The following MECOM variants were observed in gnomAD, a reference collection of about 807,000 sequenced individuals.
MECOM encodes histone-lysine N-methyltransferase MECOM.
In MECOM, 13 loss-of-function variants were observed where a neutral mutation model predicts 116.3. The observed-to-expected ratio is 0.11, with a 90% confidence interval of 0.07 to 0.18. The LOEUF is 0.18. MECOM is among the 10% of genes least tolerant of loss of function. The probability of loss-of-function intolerance (pLI) is 1.00; values close to 1 mark genes in which losing one functional copy is unlikely to be tolerated. For missense variants in MECOM, 1,299 were observed against 1,509.0 expected (o/e 0.86, Z 2.31); for synonymous variants, 528 against 535.2 (o/e 0.99, Z 0.19).
At position 169,512,723 on chromosome 3, in the gene MECOM, T is replaced by G. The variant is rs140316907; in HGVS notation, c.38-131199A>C. Among the ~76,000 whole-genome samples the G allele has an allele frequency of 5.9e-5, 9 of 152,124 alleles. No homozygotes were observed. The East Asian group carries it at 1.7e-3, about 29-fold the overall frequency. The stretch of plus-strand genomic sequence containing the variant: ...AACTTGGTGAAATCACGAAGTCTTG[T>G]CTATCTTTCTCCACAGCATCCCAGC... On this transcript the variant is annotated intron_variant, in intron 1 of 16. Coordinates refer to ENST00000651503, the MANE Select transcript of MECOM (RefSeq NM_004991.4).
intron 1 of MECOM, among the ~76,000 whole-genome samples, chr3:169,415,861 C>T (rs561912399): frequency 1.1e-4 from 16 of 152,134 alleles, no homozygotes; most frequent in African/African-American, 2.9e-4. Flanking sequence ...ACAGGAGCAA[C>T]GAGATTCATA....
chr3:169,411,955 C>T (rs1737625742), intron 1 of MECOM, among the ~76,000 whole-genome samples: 1 of 152,042 alleles, frequency 6.6e-6, no homozygotes, highest in African/African-American at 2.4e-5. Flanking sequence ...CAAGCCACTG[C>T]ACTCCAGCCT....
chr3:169,302,370 CAG>C, intron 2 of MECOM, among the ~76,000 whole-genome samples: 1 of 152,254 alleles, frequency 6.6e-6, no homozygotes, highest in Admixed American at 6.5e-5. Context: ...GTGAAAATGG[CAG>C]AGTTTGTTTC....
chr3:169,631,115 T>A (rs1298432012), intron 1 of MECOM, among the ~76,000 whole-genome samples: 1 of 152,260 alleles, frequency 6.6e-6, no homozygotes, highest in Non-Finnish European at 1.5e-5. Context: ...AGCCTTGGGA[T>A]CAGTGCCCTG....
At chr3:169,262,034 A>G (rs1027986894) in intron 2 of MECOM, among the ~76,000 whole-genome samples, 5 of 152,186 alleles carry the variant, frequency 3.3e-5, no homozygotes, top group African/African-American at 1.2e-4. Context: ...ATGTTTATGG[A>G]ACGTCTACCC....
intron 1 of MECOM, among the ~76,000 whole-genome samples, chr3:169,625,431 A>G (rs1372730398): frequency 6.6e-6 from 1 of 152,170 alleles, no homozygotes; most frequent in African/African-American, 2.4e-5. Flanking sequence ...AGCATTGCCT[A>G]TTAGTAATAC....
At chr3:169,268,469 T>A (rs192548518) in intron 2 of MECOM, among the ~76,000 whole-genome samples, 34 of 152,336 alleles carry the variant, frequency 2.2e-4, no homozygotes, top group Non-Finnish European at 4.4e-4. Flanking sequence ...TGATGCTATC[T>A]TCTTGTACTT....
At chr3:169,137,189 G>T (rs1736612593) in intron 3 of MECOM, among the ~76,000 whole-genome samples, 1 of 152,060 alleles carries the variant, frequency 6.6e-6, no homozygotes, top group Non-Finnish European at 1.5e-5. Flanking sequence ...TGGAGGGTGG[G>T]TAGGAGAGGA....
chr3:169,504,797 A>G (rs144352161), intron 1 of MECOM, among the ~76,000 whole-genome samples: 17 of 152,330 alleles, frequency 1.1e-4, no homozygotes, highest in African/African-American at 3.1e-4. Flanking sequence ...TTACAAATTT[A>G]TATTGTTTAA....
chr3:169,401,010 CCT>C (rs752663063), intron 1 of MECOM, among the ~76,000 whole-genome samples: 1 of 152,126 alleles, frequency 6.6e-6, no homozygotes, highest in Non-Finnish European at 1.5e-5. Flanking sequence ...AGTGCCATAC[CCT>C]GTCTGAGGCA....
chr3:169,619,876 T>C (rs1043265545), intron 1 of MECOM, among the ~76,000 whole-genome samples: 1 of 152,228 alleles, frequency 6.6e-6, no homozygotes, highest in Non-Finnish European at 1.5e-5. Context: ...GGCTGAGAAC[T>C]GTTGGCCCCA....
chr3:169,493,926 T>G (rs1753475238), intron 1 of MECOM, among the ~76,000 whole-genome samples: 1 of 118,070 alleles, frequency 8.5e-6, no homozygotes, highest in Non-Finnish European at 2.0e-5. Flanking sequence ...GTGTTCAACC[T>G]GACAGTAACG....
chr3:169,285,152 A>G lies in MECOM; in HGVS notation c.375+96035T>C, dbSNP rs1713011193. On this transcript the variant is annotated intron_variant, in intron 2 of 16. Transcript: ENST00000651503. The stretch of plus-strand genomic sequence containing the variant: ...TGAATTCCTCTCTACCTAACTCCCC[A>G]GGGCCCTCAGGAGGCTTCTGGGCCA... 2.0e-5 allele frequency among the ~76,000 whole-genome samples: 3 copies of G among 152,116 alleles called. No individual in the cohort carries two copies. In the South Asian group the frequency reaches 6.2e-4, roughly 32 times the overall value.
At chr3:169,475,863 C>T (rs1750293305) in intron 1 of MECOM, among the ~76,000 whole-genome samples, 1 of 152,078 alleles carries the variant, frequency 6.6e-6, no homozygotes, top group African/African-American at 2.4e-5. Flanking sequence ...ATGTCTCTGG[C>T]TCAAAGATAA....
chr3:169,414,755 C>A (rs1738233684), intron 1 of MECOM, among the ~76,000 whole-genome samples: 1 of 151,870 alleles, frequency 6.6e-6, no homozygotes, highest in African/African-American at 2.4e-5. Context: ...ATCAATAGCC[C>A]AATCAATCAA....
intron 2 of MECOM, among the ~76,000 whole-genome samples, chr3:169,261,740 GGAGAA>G (rs1467568524): frequency 1.6e-4 from 17 of 109,370 alleles, no homozygotes; most frequent in Admixed American, 8.6e-4. Context: ...AGAAGGAGAA[GGAGAA>G]AAGAAGAAGA....
chr3:169,477,678 G>T (rs1216446179), intron 1 of MECOM, among the ~76,000 whole-genome samples: 1 of 152,080 alleles, frequency 6.6e-6, no homozygotes, highest in Non-Finnish European at 1.5e-5. Context: ...AGTTATTTCA[G>T]TATTTACTTC....
rs147439451 is a variant in MECOM at position 169,384,591 on chromosome 3, C to T, written c.38-3067G>A. Reference sequence around the variant, plus strand: ...TTTACACATTCTTAAAGCGATTTCTCCCCCATTGTTAGAATTCTGTTTTTC... The same window carrying T: ...TTTACACATTCTTAAAGCGATTTCTTCCCCATTGTTAGAATTCTGTTTTTC... On this transcript the variant is annotated intron_variant, in intron 1 of 16. Coordinates refer to ENST00000651503, the MANE Select transcript of MECOM (RefSeq NM_004991.4). Among the ~76,000 whole-genome samples, 877 of 152,264 alleles carry T rather than the reference C, an allele frequency of 5.8e-3. 4 individuals are homozygous for T. Among genetic ancestry groups the T allele is most frequent in the Non-Finnish European group, 8.6e-3 (585 of 68,014 alleles).
Position 169,441,568 on chromosome 3 carries a change from A to G in MECOM, c.38-60044T>C, listed in dbSNP as rs976743577. Among the ~76,000 whole-genome samples, 3 of 152,210 alleles carry G rather than the reference A, an allele frequency of 2.0e-5. No individual in the cohort carries two copies. The South Asian group carries it at 6.2e-4, about 32-fold the overall frequency. ...AAATCTGAGATGCACAACATCTCAA[A>G]TCTCAGATAACACCATGGTATTACG... On this transcript the variant is annotated intron_variant, in intron 1 of 16. Transcript: ENST00000651503.
Sources: gnomAD v4.1 joint callset for allele counts (sites outside exome capture counted in the v4.1 genomes callset) on GRCh38, gnomAD v4.1.1 for gene constraint, MANE v1.5 for transcripts, NCBI Gene and HGNC (gene_info 2026-07-23, HGNC 2026-07-21) for gene names.